The following POU2F1 variants were observed in gnomAD, a reference collection of about 807,000 sequenced individuals.
POU2F1 encodes POU class 2 homeobox 1, also known as POU domain, class 2, transcription factor 1.
In POU2F1, 16 loss-of-function variants were observed where a neutral mutation model predicts 84.9. The ratio of observed to expected loss-of-function variants is 0.19; its 90% CI spans 0.13 to 0.29. The LOEUF is 0.29. POU2F1 is among the 10% of genes least tolerant of loss of function. The pLI is 1.00. For missense variants in POU2F1, 738 were observed against 942.6 expected (o/e 0.78, Z 2.84); for synonymous variants, 368 against 368.3 (o/e 1.00, Z 0.01).
chr1:167,340,544 G>A lies in POU2F1; in HGVS notation c.127+8009G>A, dbSNP rs998024831. Among the ~76,000 whole-genome samples the A allele has an allele frequency of 6.8e-5, 10 of 146,624 alleles. No individual in the cohort carries two copies. The South Asian group carries it at 1.1e-3, about 16-fold the overall frequency. On this transcript the variant is annotated intron_variant, in intron 2 of 15. Coordinates refer to ENST00000367866, the MANE Select transcript of POU2F1 (RefSeq NM_002697.4). ...CCTCCTGCATTCATGAAGTTCTCCCGCCTCAGCCTCTCAAGTAGCCGGGAT... is the reference window on the plus strand; with the variant it reads ...CCTCCTGCATTCATGAAGTTCTCCCACCTCAGCCTCTCAAGTAGCCGGGAT...
At chr1:167,308,362 C>T (rs755294436) in intron 1 of POU2F1, among the ~76,000 whole-genome samples, 21 of 150,914 alleles carry the variant, frequency 1.4e-4, no homozygotes, top group Non-Finnish European at 3.1e-4. Flanking sequence ...CCACCACGCC[C>T]AGCCTGTTTC....
At chr1:167,321,667 T>C (rs933309699) in intron 1 of POU2F1, among the ~76,000 whole-genome samples, 1 of 152,218 alleles carries the variant, frequency 6.6e-6, no homozygotes, top group Non-Finnish European at 1.5e-5. Flanking sequence ...GGCTTATCTG[T>C]TAACCATTTT....
In POU2F1 at chr1:167,426,903, C is replaced by T. The variant is rs1347147575; in HGVS notation, c.*11093C>T. 6.6e-6 allele frequency: 1 copy of T among 152,162 alleles called. No individual in the cohort carries two copies. The highest frequency in any genetic ancestry group is 1.5e-5 in the Non-Finnish European group (1 of 68,030). 9.4% of individuals were successfully genotyped at this position (152,162 alleles called of 1,614,324 possible). On this transcript the variant is annotated 3_prime_UTR_variant, in exon 16 of 16. Coordinates refer to ENST00000367866, the MANE Select transcript of POU2F1 (RefSeq NM_002697.4). ...TGGCTATTGTGTAGCCTTACTGCCC[C>T]AGAGTGCCTGTTAGCCAAATATTTC...
At chr1:167,307,902 T>C (rs1655192149) in intron 1 of POU2F1, among the ~76,000 whole-genome samples, 1 of 152,182 alleles carries the variant, frequency 6.6e-6, no homozygotes, top group Admixed American at 6.5e-5. Flanking sequence ...TCTAGGGTCA[T>C]GGCACTTTGG....
chr1:167,370,926 A>G (rs142914220), intron 4 of POU2F1, among the ~76,000 whole-genome samples: 50 of 152,282 alleles, frequency 3.3e-4, no homozygotes, highest in African/African-American at 6.5e-4. Context: ...TAATATTTCT[A>G]TCAACCTGCT....
chr1:167,221,837 C>G (rs1258270944), intron 1 of POU2F1, among the ~76,000 whole-genome samples: 1 of 151,874 alleles, frequency 6.6e-6, no homozygotes, highest in African/African-American at 2.4e-5. Context: ...GGGGGGTGGA[C>G]TGGATTGGAA....
intron 1 of POU2F1, among the ~76,000 whole-genome samples, chr1:167,266,201 A>G (rs886583441): frequency 1.3e-5 from 2 of 152,342 alleles, no homozygotes; most frequent in Admixed American, 6.5e-5. Flanking sequence ...AGATGAACAC[A>G]TGCCATAGGT....
intron 7 of POU2F1, chr1:167,379,723 GC>G (rs1647379771): frequency 6.6e-6 from 1 of 152,150 alleles, no homozygotes; most frequent in Non-Finnish European, 1.5e-5. Context: ...TTTGTTAATT[GC>G]CAAAGCCTTA....
intron 1 of POU2F1, among the ~76,000 whole-genome samples, chr1:167,272,139 C>T (rs192686301): frequency 9.2e-5 from 14 of 152,118 alleles, no homozygotes; most frequent in Admixed American, 8.5e-4. Flanking sequence ...AAAGAATGTC[C>T]GCAGTATGTT....
chr1:167,396,224 T>C (rs1648798159), intron 9 of POU2F1, 62 bp from the exon 10 acceptor site: 2 of 1,583,514 alleles, frequency 1.3e-6, no homozygotes, highest in Non-Finnish European at 1.7e-6. Context: ...GTGAAGGCTT[T>C]AAGCACTGGT....
chr1:167,290,798 T>A (rs546797005), intron 1 of POU2F1, among the ~76,000 whole-genome samples: 133 of 152,280 alleles, frequency 8.7e-4, no homozygotes, highest in Non-Finnish European at 1.6e-3. Context: ...ATCCCAACAC[T>A]GGGAAGTGAA....
intron 1 of POU2F1, among the ~76,000 whole-genome samples, chr1:167,260,211 T>C (rs1435449058): frequency 6.6e-6 from 1 of 152,222 alleles, no homozygotes. Context: ...CCAGTTAATA[T>C]ATTTTGCTTG....
At chr1:167,243,001 C>A (rs1365030445) in intron 1 of POU2F1, among the ~76,000 whole-genome samples, 1 of 151,492 alleles carries the variant, frequency 6.6e-6, no homozygotes, top group African/African-American at 2.4e-5. Flanking sequence ...AAAATGAATT[C>A]TACCTTTATT....
At position 167,415,348 on chromosome 1, in the gene POU2F1, G is replaced by A. The variant is rs187560693; in HGVS notation, c.1991-152G>A. On this transcript the variant is annotated intron_variant, in intron 15 of 15. Coordinates refer to ENST00000367866, the MANE Select transcript of POU2F1 (RefSeq NM_002697.4). ...ATAAACTACAATTGGTATCAATATA[G>A]CACTGTGTTTGAGGAAAAAAATTCA... The A allele has an allele frequency of 1.1e-3, 817 of 736,428 alleles. 1 individual carries two copies. The highest frequency in any genetic ancestry group is 1.6e-3 in the Non-Finnish European group (746 of 452,406). The allele number at this position is 736,428 out of a possible 1,614,324, so 45.6% of individuals were successfully genotyped here. A position where few individuals can be genotyped will look rare whatever the true frequency, so the allele number is the denominator to read the frequency against.
chr1:167,275,184 C>G (rs968444952), intron 1 of POU2F1, among the ~76,000 whole-genome samples: 4 of 151,792 alleles, frequency 2.6e-5, no homozygotes, highest in Non-Finnish European at 5.9e-5. Context: ...ACCATCATGC[C>G]TGGATTTGGT....
At chr1:167,229,537 C>T (rs1474624463) in intron 1 of POU2F1, among the ~76,000 whole-genome samples, 5 of 152,146 alleles carry the variant, frequency 3.3e-5, no homozygotes, top group African/African-American at 4.8e-5. Flanking sequence ...CTAGATATCT[C>T]ATTTTGGCTT....
chr1:167,317,336 T>C (rs1655977645), intron 1 of POU2F1, among the ~76,000 whole-genome samples: 2 of 152,244 alleles, frequency 1.3e-5, no homozygotes, highest in Admixed American at 1.3e-4. Context: ...ATTTCTATTA[T>C]TCAGTTACAA....
At chr1:167,245,980 T>C (rs1489120970) in intron 1 of POU2F1, among the ~76,000 whole-genome samples, 2 of 152,250 alleles carry the variant, frequency 1.3e-5, no homozygotes, top group Admixed American at 1.3e-4. Context: ...AAAAATACTT[T>C]CTGAAAATCT....
At chr1:167,302,597 T>G (rs1654784152) in intron 1 of POU2F1, among the ~76,000 whole-genome samples, 1 of 152,186 alleles carries the variant, frequency 6.6e-6, no homozygotes, top group South Asian at 2.1e-4. Context: ...CTGCATTTGA[T>G]TTTGTTTGTA....
Sources: gnomAD v4.1 joint callset for allele counts (sites outside exome capture counted in the v4.1 genomes callset) on GRCh38, gnomAD v4.1.1 for gene constraint, MANE v1.5 for transcripts, NCBI Gene and HGNC (gene_info 2026-07-23, HGNC 2026-07-21) for gene names.